Variants in SQOR observed in about 807,000 individuals in gnomAD.
The protein encoded by SQOR is sulfide quinone oxidoreductase, also known as sulfide:quinone oxidoreductase, mitochondrial.
Under a neutral mutation model 48.6 loss-of-function variants are expected in SQOR, and 39 were observed. The ratio of observed to expected loss-of-function variants is 0.80; its 90% CI spans 0.62 to 1.05. SQOR has a LOEUF of 1.05. Among genes scored for constraint, SQOR ranks in the 50% least tolerant of loss-of-function variants. The probability of loss-of-function intolerance (pLI) is 0.00; values close to 1 mark genes in which losing one functional copy is unlikely to be tolerated. For synonymous variants in SQOR, 220 were observed against 206.2 expected (o/e 1.07, Z -0.57); for missense variants, 561 against 559.9 (o/e 1.00, Z -0.02).
intron 3 of SQOR, among the ~76,000 whole-genome samples, chr15:45,662,386 C>T (rs1282688916): frequency 1.3e-5 from 2 of 152,200 alleles, no homozygotes; most frequent in Non-Finnish European, 2.9e-5. Flanking sequence ...GCTTAGTATA[C>T]TATCTTGCAC....
rs529438476 is a variant in SQOR, at chr15:45,661,851, AG to A, written c.235-102del. 1.3e-3 allele frequency: 1,527 copies of A among 1,199,856 alleles called. 16 individuals are homozygous for A. The African/African-American group carries it at 0.021, about 17-fold the overall frequency. 74.3% of individuals were successfully genotyped at this position (1,199,856 alleles called of 1,614,324 possible). A position where few individuals can be genotyped will look rare whatever the true frequency, so the allele number is the denominator to read the frequency against. ...GAGACTTTTCCATACGATGCTCTAA[AG>A]GTCAGGAGGGAGTGATTGAAAGAAT... On this transcript the variant is annotated intron_variant, in intron 2 of 9. Coordinates refer to ENST00000260324, the MANE Select transcript of SQOR (RefSeq NM_021199.4).
intron 9 of SQOR, chr15:45,689,469 G>C (rs928469519): frequency 4.1e-6 from 1 of 242,764 alleles, no homozygotes; most frequent in Non-Finnish European, 7.9e-6. Flanking sequence ...CCAGGTTGGA[G>C]TGCAGTGGCA....
At chr15:45,656,148 A>G (rs773554065) in intron 1 of SQOR, among the ~76,000 whole-genome samples, 2 of 152,186 alleles carry the variant, frequency 1.3e-5, no homozygotes, top group Non-Finnish European at 2.9e-5. Context: ...CCCATGGGCT[A>G]TATAACTTTG....
At chr15:45,676,773 G>T (rs1420648736) in intron 6 of SQOR, among the ~76,000 whole-genome samples, 1 of 152,174 alleles carries the variant, frequency 6.6e-6, no homozygotes, top group African/African-American at 2.4e-5. Flanking sequence ...GGGCATGGTG[G>T]CTCACGCCTG....
chr15:45,635,656 C>A lies in SQOR; in HGVS notation c.-18+548C>A, dbSNP rs74373386. Among the ~76,000 whole-genome samples, 394 of 152,298 alleles carry A rather than the reference C, an allele frequency of 2.6e-3. 3 individuals are homozygous for A. Among genetic ancestry groups the A allele is most frequent in the African/African-American group, 8.8e-3 (364 of 41,568 alleles). ...GGGGTCTTCTGGTGGAATCTGGGCT[C>A]ATTTCCTTTCCTCTTCATCTGTCTC... On this transcript the variant is annotated intron_variant, in intron 1 of 9. Transcript: ENST00000260324.
chr15:45,657,743 G>T (rs1418125032), intron 1 of SQOR, among the ~76,000 whole-genome samples: 3 of 152,098 alleles, frequency 2.0e-5, no homozygotes, highest in East Asian at 3.9e-4. Flanking sequence ...CTCTTCTCCA[G>T]TCGGGAGGAT....
At position 45,683,972 on chromosome 15, in the gene SQOR, C is replaced by T. The variant is rs143930732; in HGVS notation, c.1048+1311C>T. 9.8e-4 allele frequency among the ~76,000 whole-genome samples: 149 copies of T among 151,834 alleles called. 1 individual carries two copies. Among genetic ancestry groups the T allele is most frequent in the East Asian group, 7.6e-3 (39 of 5,160 alleles). The stretch of plus-strand genomic sequence containing the variant: ...TGTTGCCTGGACTGGAGTGCAGTGG[C>T]GCACTCTCAGCTCACTGCAACCTCT... On this transcript the variant is annotated intron_variant, in intron 7 of 9. Transcript: ENST00000260324.
chr15:45,643,400 T>A (rs1895140034), intron 1 of SQOR, among the ~76,000 whole-genome samples: 1 of 152,180 alleles, frequency 6.6e-6, no homozygotes, highest in African/African-American at 2.4e-5. Flanking sequence ...TTTCACTGTG[T>A]TAGCCAGGAT....
intron 1 of SQOR, among the ~76,000 whole-genome samples, chr15:45,637,423 G>T (rs1895024309): frequency 6.6e-6 from 1 of 152,134 alleles, no homozygotes; most frequent in East Asian, 1.9e-4. Context: ...TCCCTCCCAA[G>T]CTTATGGCCT....
At chr15:45,688,431 T>C in intron 8 of SQOR, 27 bp downstream of exon 8, 2 of 1,483,278 alleles carry the variant, frequency 1.3e-6, no homozygotes, top group Non-Finnish European at 1.9e-6. Context: ...AGAATCACTG[T>C]CTCAATGATC....
intron 3 of SQOR, among the ~76,000 whole-genome samples, chr15:45,668,668 G>A (rs1181915469): frequency 1.3e-5 from 2 of 152,166 alleles, no homozygotes; most frequent in South Asian, 2.1e-4. Context: ...GCACTCTCAG[G>A]TCTTGGAGTC....
chr15:45,662,464 C>G (rs1009359658), intron 3 of SQOR, among the ~76,000 whole-genome samples: 3 of 152,208 alleles, frequency 2.0e-5, no homozygotes, highest in Admixed American at 2.0e-4. Flanking sequence ...CTTCCTCCTT[C>G]TCTTTTTCTG....
chr15:45,686,345 T>C (rs1356783536), intron 7 of SQOR, among the ~76,000 whole-genome samples: 3 of 151,894 alleles, frequency 2.0e-5, no homozygotes, highest in East Asian at 3.9e-4. Flanking sequence ...AGAGACGGGG[T>C]TTTACCATGT....
intron 6 of SQOR, among the ~76,000 whole-genome samples, chr15:45,680,152 A>G (rs1427728473): frequency 6.6e-6 from 1 of 152,056 alleles, no homozygotes; most frequent in African/African-American, 2.4e-5. Context: ...CAGTGGTACA[A>G]CCGTGGCTCA....
rs556229604 is a variant in SQOR, at chr15:45,662,669, C to G, written c.405+544C>G. ...ACTGCTCAGCACCTTTTAGAAGTCT[C>G]CCACCCTCACCACTCAGGGGTCAAA... On this transcript the variant is annotated intron_variant, in intron 3 of 9. Coordinates refer to ENST00000260324, the MANE Select transcript of SQOR (RefSeq NM_021199.4). Among the ~76,000 whole-genome samples, 22 of 152,316 alleles carry G rather than the reference C, an allele frequency of 1.4e-4. No homozygotes were observed. The East Asian group carries it at 4.2e-3, about 29-fold the overall frequency.
chr15:45,639,968 T>G (rs1895075785), intron 1 of SQOR, among the ~76,000 whole-genome samples: 1 of 152,222 alleles, frequency 6.6e-6, no homozygotes, highest in African/African-American at 2.4e-5. Context: ...TATCTCATGG[T>G]CTTACAATCT....
intron 7 of SQOR, among the ~76,000 whole-genome samples, chr15:45,683,333 T>G (rs554440803): frequency 2.0e-5 from 3 of 152,342 alleles, no homozygotes; most frequent in African/African-American, 7.2e-5. Context: ...AGCATTTGTT[T>G]TCCCAGAAAA....
At chr15:45,677,503 G>A (rs1261592126) in intron 6 of SQOR, among the ~76,000 whole-genome samples, 1 of 152,126 alleles carries the variant, frequency 6.6e-6, no homozygotes, top group East Asian at 1.9e-4. Flanking sequence ...GCTACAGTCA[G>A]GTATTACATT....
At chr15:45,635,212 C>T (rs1344111995) in intron 1 of SQOR, 104 bp downstream of exon 1, 3 of 152,324 alleles carry the variant, frequency 2.0e-5, no homozygotes, top group Non-Finnish European at 2.9e-5. Context: ...ACTCGGTTTC[C>T]GCAGCTGGGA....
Sources: allele counts gnomAD v4.1 joint callset (sites outside exome capture counted in the v4.1 genomes callset), GRCh38; gene constraint gnomAD v4.1.1; transcripts MANE v1.5; gene names NCBI Gene and HGNC (gene_info 2026-07-23, HGNC 2026-07-21).